KIF26B: variants seen among roughly 807,000 people sequenced by gnomAD.
KIF26B encodes the protein kinesin-like protein KIF26B.
Under a neutral mutation model 151.2 loss-of-function variants are expected in KIF26B, and 63 were observed. That is an observed-to-expected ratio of 0.42 (90% CI 0.34 to 0.51). The LOEUF is 0.51. Ranked by LOEUF, KIF26B falls within the 20% of genes least tolerant of loss-of-function variation. KIF26B has a pLI of 0.07. For synonymous variants in KIF26B, 1,357 were observed against 1,262.1 expected, an observed-to-expected ratio of 1.08 and a Z score of -1.59; for missense variants, 2,813 against 2,913.6, an observed-to-expected ratio of 0.97 and a Z score of 0.79.
At chr1:245,636,708 A>T (rs2043837613) in intron 9 of KIF26B, among the ~76,000 whole-genome samples, 1 of 151,820 alleles carries the variant, frequency 6.6e-6, no homozygotes, top group Non-Finnish European at 1.5e-5. Context: ...TCTCCATGAG[A>T]TCCACTGTTG....
At position 245,459,897 on chromosome 1, in the gene KIF26B, C is replaced by CT. The variant is rs34119454; in HGVS notation, c.1166+40164dup. 1.5e-3 allele frequency among the ~76,000 whole-genome samples: 219 copies of CT among 147,142 alleles called. 1 individual carries two copies. Among genetic ancestry groups the CT allele is most frequent in the South Asian group, 1.3e-3 (6 of 4,598 alleles). On this transcript the variant is annotated intron_variant, in intron 4 of 14. Transcript: ENST00000407071. The stretch of plus-strand genomic sequence containing the variant: ...TTCAAGATCTCTCCTCCTCATAAAC[C>CT]TTTTTTTTTTTTCCCTGCCTGCAGC...
intron 2 of KIF26B, among the ~76,000 whole-genome samples, chr1:245,287,055 GC>G (rs1011586605): frequency 6.6e-6 from 1 of 152,068 alleles, no homozygotes; most frequent in Non-Finnish European, 1.5e-5. Context: ...GTTGCAGTGA[GC>G]CGAGATCTTG....
At chr1:245,400,321 T>C (rs1022586361) in intron 3 of KIF26B, among the ~76,000 whole-genome samples, 2 of 152,206 alleles carry the variant, frequency 1.3e-5, no homozygotes, top group Non-Finnish European at 2.9e-5. Context: ...TTTCACCTGA[T>C]TTACTTTACA....
intron 6 of KIF26B, among the ~76,000 whole-genome samples, chr1:245,605,509 T>G (rs1233297132): frequency 1.3e-5 from 2 of 152,196 alleles, no homozygotes; most frequent in Non-Finnish European, 2.9e-5. Context: ...CAGTCCTGTT[T>G]CATGGTTGCC....
At chr1:245,174,770 C>T (rs948311896) in intron 2 of KIF26B, among the ~76,000 whole-genome samples, 11 of 152,186 alleles carry the variant, frequency 7.2e-5, no homozygotes, top group Admixed American at 1.3e-4. Context: ...ACAGAGCTGA[C>T]GTCTTCTGCC....
chr1:245,318,466 T>C lies in KIF26B; in HGVS notation c.466-48368T>C, dbSNP rs1182411930. ...AGGGGCTTCTTTGCCCTGAGGAATA[T>C]ACAAGTTGATAGGGCTACTTGCCTT... On this transcript the variant is annotated intron_variant, in intron 2 of 14. Transcript: ENST00000407071. The surrounding 1 kb of genome is among the most constrained non-coding windows in gnomAD (Gnocchi z 4.0). Among the ~76,000 whole-genome samples, 1 of 152,184 alleles carries C rather than the reference T, an allele frequency of 6.6e-6. No individual in the cohort carries two copies. The highest frequency in any genetic ancestry group is 1.5e-5 in the Non-Finnish European group (1 of 68,030).
intron 4 of KIF26B, among the ~76,000 whole-genome samples, chr1:245,440,270 A>G (rs1005652099): frequency 9.2e-5 from 14 of 151,918 alleles, no homozygotes. Flanking sequence ...TATAAAAGGG[A>G]AGCAAAGCCT....
At chr1:245,696,140 T>A (rs61831284) in intron 12 of KIF26B, among the ~76,000 whole-genome samples, 4,734 of 152,220 alleles carry the variant, frequency 0.031, 108 homozygotes, top group South Asian at 0.082. Context: ...TTTACCAGAG[T>A]TGGTCTCTGT....
intron 3 of KIF26B, among the ~76,000 whole-genome samples, chr1:245,391,373 A>T (rs1673694971): frequency 6.6e-6 from 1 of 152,200 alleles, no homozygotes; most frequent in Non-Finnish European, 1.5e-5. Flanking sequence ...GAATACTCCT[A>T]TTCAAATACT....
At chr1:245,681,258 G>A (rs1330724788) in intron 10 of KIF26B, among the ~76,000 whole-genome samples, 1 of 147,432 alleles carries the variant, frequency 6.8e-6, no homozygotes, top group Non-Finnish European at 1.5e-5. Flanking sequence ...CGCCCAGGCT[G>A]AAGTGCAGTG....
In KIF26B at chr1:245,687,943, C is replaced by T. The variant is rs1389264822; in HGVS notation, c.4960C>T (p.Leu1654Phe). 4 of 1,593,368 alleles carry T rather than the reference C, an allele frequency of 2.5e-6. No individual in the cohort carries two copies. The highest frequency in any genetic ancestry group is 2.3e-5 in the East Asian group (1 of 43,646). The part of the protein sequence containing the change: ...KTKDASSSSK[L>F]FSAKLEQLAS... ...GAAGGACGCCAGCAGCAGCAGCAAG[C>T]TCTTCAGTGCCAAGCTGGAGCAGCT... Residue 1654 changes from leucine to phenylalanine, a missense_variant, in exon 12 of 15, where the codon CTC becomes TTC. This residue lies in a region of KIF26B where 2,060 missense variants were observed against 2,088.6 expected (regional missense o/e 0.99). Coordinates refer to ENST00000407071, the MANE Select transcript of KIF26B (RefSeq NM_018012.4). The surrounding 1 kb of genome is among the most constrained non-coding windows in gnomAD (Gnocchi z 4.9).
chr1:245,419,815 C>T (rs1376056222), intron 4 of KIF26B, 70 bp downstream of exon 4: 3 of 1,382,312 alleles, frequency 2.2e-6, no homozygotes, highest in Non-Finnish European at 3.0e-6. Context: ...CGTGGACTAG[C>T]TCAGCTGAAA....
At chr1:245,480,645 T>G (rs1273677910) in intron 4 of KIF26B, among the ~76,000 whole-genome samples, 1 of 151,684 alleles carries the variant, frequency 6.6e-6, no homozygotes, top group Non-Finnish European at 1.5e-5. Flanking sequence ...GAGTTTGTAC[T>G]CTTTCCTTTT....
chr1:245,444,508 G>A (rs115325145), intron 4 of KIF26B, among the ~76,000 whole-genome samples: 17 of 152,354 alleles, frequency 1.1e-4, no homozygotes, highest in Admixed American at 9.8e-4. Flanking sequence ...CCAGATACCC[G>A]TGGTATTTTC....
At chr1:245,466,276 C>G (rs1033827500) in intron 4 of KIF26B, among the ~76,000 whole-genome samples, 1 of 152,168 alleles carries the variant, frequency 6.6e-6, no homozygotes, top group Non-Finnish European at 1.5e-5. Context: ...GCTGAGTGAA[C>G]AAATGGCCTG....
intron 4 of KIF26B, among the ~76,000 whole-genome samples, chr1:245,528,918 G>A (rs969966205): frequency 6.6e-6 from 1 of 152,130 alleles, no homozygotes; most frequent in Non-Finnish European, 1.5e-5. Flanking sequence ...GACTTACTAG[G>A]TTTGCTGGAC....
At chr1:245,313,819 A>G (rs11811491) in intron 2 of KIF26B, among the ~76,000 whole-genome samples, 12,839 of 152,186 alleles carry the variant, frequency 0.084, 711 homozygotes, top group Middle Eastern at 0.14. Flanking sequence ...TAAATCCCCA[A>G]TGACTCACCT....
chr1:245,372,320 G>A (rs1240232397), intron 3 of KIF26B, among the ~76,000 whole-genome samples: 1 of 152,146 alleles, frequency 6.6e-6, no homozygotes, highest in Non-Finnish European at 1.5e-5. Context: ...CTGGTCCCTG[G>A]TGCCAAAAAG....
chr1:245,317,452 A>G (rs1671801578), intron 2 of KIF26B, among the ~76,000 whole-genome samples: 1 of 152,232 alleles, frequency 6.6e-6, no homozygotes, highest in Non-Finnish European at 1.5e-5. Flanking sequence ...GGCACTGCTG[A>G]GAAAAACAGA....
Sources: allele counts gnomAD v4.1 joint callset (sites outside exome capture counted in the v4.1 genomes callset), GRCh38; gene constraint gnomAD v4.1.1; regional missense constraint gnomAD v4.1.1; non-coding constraint Gnocchi (gnomAD v3.1); transcripts MANE v1.5; gene names NCBI Gene and HGNC (gene_info 2026-07-23, HGNC 2026-07-21).